Variants in RUNDC3B observed in about 807,000 individuals in gnomAD.
The protein encoded by RUNDC3B is RUN domain-containing protein 3B.
In RUNDC3B, 33 loss-of-function variants were observed where a neutral mutation model predicts 58.4. The observed-to-expected ratio is 0.56, with a 90% CI of 0.43 to 0.75. The LOEUF (loss-of-function observed/expected upper bound fraction) is 0.75, where lower values mean the gene tolerates loss of function less well. Among genes scored for constraint, RUNDC3B ranks in the 30% least tolerant of loss-of-function variants. The probability of loss-of-function intolerance (pLI) is 0.00; values close to 1 mark genes in which losing one functional copy is unlikely to be tolerated. For missense variants in RUNDC3B, 501 were observed against 535.7 expected, an observed-to-expected ratio of 0.94 and a Z score of 0.64; for synonymous variants, 193 against 195.2, an observed-to-expected ratio of 0.99 and a Z score of 0.10.
chr7:87,814,104 T>TCC (rs1836890623), intron 9 of RUNDC3B, among the ~76,000 whole-genome samples: 1 of 149,900 alleles, frequency 6.7e-6, no homozygotes, highest in Admixed American at 6.6e-5. Flanking sequence ...TTCTTTCCTT[T>TCC]TTTTTTTTTT....
intron 2 of RUNDC3B, among the ~76,000 whole-genome samples, chr7:87,682,677 T>C (rs1827043558): frequency 6.6e-6 from 1 of 152,194 alleles, no homozygotes; most frequent in African/African-American, 2.4e-5. Flanking sequence ...TAAGCCAAAC[T>C]GTAAACAGAG....
intron 6 of RUNDC3B, among the ~76,000 whole-genome samples, chr7:87,749,335 A>G (rs558323179): frequency 6.6e-6 from 1 of 152,192 alleles, no homozygotes; most frequent in African/African-American, 2.4e-5. Flanking sequence ...TAGATCCTGC[A>G]TAGCCACTTT....
chr7:87,669,700 A>G (rs990708392), intron 2 of RUNDC3B, among the ~76,000 whole-genome samples: 3 of 152,172 alleles, frequency 2.0e-5, no homozygotes, highest in African/African-American at 7.2e-5. Context: ...GTTTATCTGA[A>G]AAGGATCTTA....
chr7:87,666,232 A>G (rs1023711543), intron 2 of RUNDC3B, among the ~76,000 whole-genome samples: 1 of 152,118 alleles, frequency 6.6e-6, no homozygotes, highest in African/African-American at 2.4e-5. Context: ...CATTTTTCTA[A>G]TGATCAGTGA....
Position 87,650,845 on chromosome 7 carries a change from A to C in RUNDC3B, c.146A>C (p.Asp49Ala). ...AGGTTTTCTGTGAAGACCCTGATTGATCGGTCTTGCTTTGAGACAATTGAT... is the reference window on the plus strand; with the variant it reads ...AGGTTTTCTGTGAAGACCCTGATTGCTCGGTCTTGCTTTGAGACAATTGAT... ...VCRFSVKTLI[D>A]RSCFETIDDS... Residue 49 changes from aspartate (D) to alanine (A), a missense_variant, in exon 2 of 11, where the codon GAT becomes GCT. By Grantham distance (126) the Asp-to-Ala change is moderately radical. Coordinates refer to ENST00000394654, the MANE Select transcript of RUNDC3B (RefSeq NM_001134405.2). 6.2e-7 allele frequency: 1 copy of C among 1,609,564 alleles called. No individual in the cohort carries two copies. Among genetic ancestry groups the C allele is most frequent in the Non-Finnish European group, 8.5e-7 (1 of 1,176,094 alleles).
intron 7 of RUNDC3B, among the ~76,000 whole-genome samples, chr7:87,774,979 T>C (rs991592527): frequency 2.6e-5 from 4 of 152,258 alleles, no homozygotes; most frequent in African/African-American, 7.2e-5. Flanking sequence ...CAATACTTGA[T>C]AATGATAATA....
intron 4 of RUNDC3B, among the ~76,000 whole-genome samples, chr7:87,739,041 C>T (rs182999054): frequency 5.9e-5 from 9 of 151,834 alleles, no homozygotes; most frequent in East Asian, 5.8e-4. Context: ...CATAGTACTA[C>T]GTTTTAAAAG....
At chr7:87,647,840 T>C (rs920022711) in intron 1 of RUNDC3B, among the ~76,000 whole-genome samples, 2 of 151,910 alleles carry the variant, frequency 1.3e-5, no homozygotes, top group Non-Finnish European at 2.9e-5. Flanking sequence ...AAATGGATAA[T>C]CAAAAAGAGT....
chr7:87,809,822 C>A (rs1836615042), intron 9 of RUNDC3B, among the ~76,000 whole-genome samples: 1 of 152,178 alleles, frequency 6.6e-6, no homozygotes, highest in Non-Finnish European at 1.5e-5. Context: ...CACAGCTTTT[C>A]ATCAGGATCC....
chr7:87,679,497 C>T (rs1826713584), intron 2 of RUNDC3B, among the ~76,000 whole-genome samples: 1 of 150,026 alleles, frequency 6.7e-6, no homozygotes, highest in South Asian at 2.1e-4. Flanking sequence ...TCAAATGATT[C>T]TCCCACCTCA....
chr7:87,822,375 AAGTC>A (rs1837518025), intron 10 of RUNDC3B, among the ~76,000 whole-genome samples: 2 of 152,236 alleles, frequency 1.3e-5, no homozygotes, highest in Non-Finnish European at 2.9e-5. Context: ...GATCATTAAA[AAGTC>A]AGGAAACAAC....
chr7:87,825,906 C>CCA (rs1837779596), intron 10 of RUNDC3B, among the ~76,000 whole-genome samples: 1 of 152,220 alleles, frequency 6.6e-6, no homozygotes, highest in Non-Finnish European at 1.5e-5. Context: ...ACAGCTGTAT[C>CCA]TACCCAGTTC....
At chr7:87,702,649 T>G (rs10278483) in intron 3 of RUNDC3B, among the ~76,000 whole-genome samples, 2 of 152,112 alleles carry the variant, frequency 1.3e-5, no homozygotes, top group African/African-American at 4.8e-5. Flanking sequence ...TTGGTAGATA[T>G]AGCCTACATA....
chr7:87,774,155 A>G (rs1051607408), intron 7 of RUNDC3B, among the ~76,000 whole-genome samples: 2 of 152,192 alleles, frequency 1.3e-5, no homozygotes, highest in African/African-American at 4.8e-5. Flanking sequence ...TCATGAAATT[A>G]AAGAAAAAAT....
chr7:87,744,647 C>A (rs757653898), intron 6 of RUNDC3B, among the ~76,000 whole-genome samples: 5 of 152,132 alleles, frequency 3.3e-5, no homozygotes, highest in Admixed American at 6.6e-5. Context: ...AGAAGAGTTA[C>A]TGATTTGTGT....
At chr7:87,813,234 G>A (rs903873971) in intron 9 of RUNDC3B, among the ~76,000 whole-genome samples, 11 of 152,154 alleles carry the variant, frequency 7.2e-5, no homozygotes, top group Non-Finnish European at 1.5e-4. Flanking sequence ...TTAAAGGGGA[G>A]AAAGGCTCTA....
chr7:87,629,739 A>G (rs1279104858), intron 1 of RUNDC3B, among the ~76,000 whole-genome samples: 3 of 151,950 alleles, frequency 2.0e-5, no homozygotes, highest in Non-Finnish European at 4.4e-5. Flanking sequence ...AGCCTGGCCA[A>G]CATAGTGAAA....
In RUNDC3B at chr7:87,777,954, C is replaced by T; in HGVS notation, c.955C>T (p.Leu319=). 6.2e-7 allele frequency: 1 copy of T among 1,610,472 alleles called. No homozygotes were observed. The change falls in exon 8 of 11, where the codon CTG becomes TTG. Residue 319 remains leucine, a splice_region_variant and synonymous_variant. Transcript: ENST00000394654. ...EYIIVELQDQ[L]TVLKNNDLRS... ...TATAATTGTGGAGCTTCAAGATCAG[C>T]TGTAAGTACAAGCCTTTTAGAAAAA...
In RUNDC3B at chr7:87,831,678, G is replaced by A. The variant is rs1444010465; in HGVS notation, c.*1648G>A. 1 of 151,874 alleles carries A rather than the reference G, an allele frequency of 6.6e-6. No homozygotes were observed. The highest frequency in any genetic ancestry group is 1.5e-5 in the Non-Finnish European group (1 of 67,872). 9.4% of individuals were successfully genotyped at this position (151,874 alleles called of 1,614,324 possible). A position where few individuals can be genotyped will look rare whatever the true frequency, so the allele number is the denominator to read the frequency against. On this transcript the variant is annotated 3_prime_UTR_variant, in exon 11 of 11. Coordinates refer to ENST00000394654, the MANE Select transcript of RUNDC3B (RefSeq NM_001134405.2). ...CAAAGCAGGTTTTCATCAGCATGGG[G>A]GATGGAAGGTAGGTATAATATGAGG...
Sources: gnomAD v4.1 joint callset for allele counts (sites outside exome capture counted in the v4.1 genomes callset) on GRCh38, gnomAD v4.1.1 for gene constraint, MANE v1.5 for transcripts, NCBI Gene and HGNC (gene_info 2026-07-23, HGNC 2026-07-21) for gene names.